MGMT: variants seen among roughly 807,000 people sequenced by gnomAD.
The protein encoded by MGMT is methylated-DNA--protein-cysteine methyltransferase.
A neutral mutation model predicts 15.9 loss-of-function variants in MGMT; 14 were observed. The ratio of observed to expected loss-of-function variants is 0.88; its 90% CI spans 0.58 to 1.37. The LOEUF (loss-of-function observed/expected upper bound fraction) is 1.37. Ranked by LOEUF, MGMT falls within the 40% of genes most tolerant of loss-of-function variation. MGMT has a pLI of 0.00. For missense variants in MGMT, 282 were observed against 268.1 expected (o/e 1.05, Z -0.36); for synonymous variants, 130 against 118.2 (o/e 1.10, Z -0.65).
intron 2 of MGMT, among the ~76,000 whole-genome samples, chr10:129,598,473 C>T (rs1464268071): frequency 6.6e-6 from 1 of 152,082 alleles, no homozygotes; most frequent in Non-Finnish European, 1.5e-5. Context: ...GGTCAGATGT[C>T]ATCTTGGTGG....
At chr10:129,639,616 T>G (rs987864138) in intron 2 of MGMT, among the ~76,000 whole-genome samples, 1 of 152,188 alleles carries the variant, frequency 6.6e-6, no homozygotes, top group South Asian at 2.1e-4. Flanking sequence ...ACAGGGAAAC[T>G]TAGAAAATGT....
At position 129,532,491 on chromosome 10, in the gene MGMT, G is replaced by A. The variant is rs1212634625; in HGVS notation, c.-12-3750G>A. On this transcript the variant is annotated intron_variant, in intron 1 of 4. Transcript: ENST00000651593. This position sits in a 1 kb window ranked among gnomAD's most constrained non-coding sequence, Gnocchi z 5.3. ...GGAGACTGTCGGGGCTAAGCTGCCT[G>A]TGGCCCTCCACCGCCCTGCTCCTTC... Among the ~76,000 whole-genome samples the A allele has an allele frequency of 6.6e-6, 1 of 152,122 alleles. No individual in the cohort carries two copies. The highest frequency in any genetic ancestry group is 2.4e-5 in the African/African-American group (1 of 41,430).
At position 129,759,205 on chromosome 10, in the gene MGMT, C is replaced by G; in HGVS notation, c.278C>G (p.Ser93Trp). 1.2e-6 allele frequency: 2 copies of G among 1,614,206 alleles called. No individual in the cohort carries two copies. Among genetic ancestry groups the G allele is most frequent in the Non-Finnish European group, 1.7e-6 (2 of 1,180,040 alleles). ...ALHHPVFQQE[S>W]FTRQVLWKLL... The stretch of plus-strand genomic sequence containing the variant: ...TATCCTGCATTCTTCCTTTCAGAGT[C>G]GTTCACCAGACAGGTGTTATGGAAG... The change falls in exon 4 of 5, where the codon TCG becomes TGG. Residue 93 changes from serine to tryptophan, a missense_variant. Physicochemically the swap from Ser to Trp is radical, Grantham distance 177. Coordinates refer to ENST00000651593, the MANE Select transcript of MGMT (RefSeq NM_002412.5).
At chr10:129,599,779 A>C (rs1846796575) in intron 2 of MGMT, among the ~76,000 whole-genome samples, 1 of 152,132 alleles carries the variant, frequency 6.6e-6, no homozygotes. Flanking sequence ...GGTTGTTTCT[A>C]TACTGTTTGT....
At chr10:129,670,346 G>A (rs558524921) in intron 2 of MGMT, among the ~76,000 whole-genome samples, 2 of 152,074 alleles carry the variant, frequency 1.3e-5, no homozygotes, top group Non-Finnish European at 2.9e-5. Flanking sequence ...TACCGAAGTA[G>A]TACTTTCTCA....
intron 3 of MGMT, among the ~76,000 whole-genome samples, chr10:129,758,225 C>T (rs540814335): frequency 3.3e-5 from 5 of 152,280 alleles, no homozygotes; most frequent in Admixed American, 3.3e-4. Context: ...CCAAATCACA[C>T]TTTGCCAGCT....
chr10:129,750,599 A>G (rs1345125064), intron 3 of MGMT, among the ~76,000 whole-genome samples: 1 of 152,142 alleles, frequency 6.6e-6, no homozygotes, highest in Non-Finnish European at 1.5e-5. Context: ...TAGCATTTAC[A>G]TTATTCTAGA....
intron 2 of MGMT, among the ~76,000 whole-genome samples, chr10:129,630,212 C>T (rs1015413143): frequency 3.3e-5 from 5 of 152,306 alleles, no homozygotes; most frequent in African/African-American, 1.2e-4. Context: ...AACAGGTACC[C>T]GGTGCTGGTG....
At chr10:129,519,788 T>C (rs142506228) in intron 1 of MGMT, among the ~76,000 whole-genome samples, 17 of 152,236 alleles carry the variant, frequency 1.1e-4, no homozygotes, top group South Asian at 8.3e-4. Flanking sequence ...TGCTCATGGG[T>C]GTTGACTGGT....
intron 2 of MGMT, among the ~76,000 whole-genome samples, chr10:129,589,406 C>A (rs921387420): frequency 6.6e-6 from 1 of 152,250 alleles, no homozygotes; most frequent in Non-Finnish European, 1.5e-5. Context: ...GTGCTACTCA[C>A]CTCTGACCTC....
intron 3 of MGMT, among the ~76,000 whole-genome samples, chr10:129,753,819 T>A (rs1314939228): frequency 6.6e-6 from 1 of 152,204 alleles, no homozygotes; most frequent in Non-Finnish European, 1.5e-5. Flanking sequence ...GTGAGTTTAT[T>A]TTTCTGATTA....
At chr10:129,764,232 C>A (rs944018399) in intron 4 of MGMT, among the ~76,000 whole-genome samples, 1 of 152,220 alleles carries the variant, frequency 6.6e-6, no homozygotes, top group Non-Finnish European at 1.5e-5. Context: ...CCTGGTGGGG[C>A]CTTGCGGGGT....
At chr10:129,481,519 T>C (rs1189859793) in intron 1 of MGMT, among the ~76,000 whole-genome samples, 1 of 152,240 alleles carries the variant, frequency 6.6e-6, no homozygotes. Flanking sequence ...GCATTGTCTC[T>C]TCTTTAAATG....
intron 2 of MGMT, among the ~76,000 whole-genome samples, chr10:129,678,957 C>T (rs185972179): frequency 5.9e-5 from 9 of 151,948 alleles, no homozygotes; most frequent in Admixed American, 2.6e-4. Flanking sequence ...CCTGTAATCC[C>T]AGCTACTCGG....
In MGMT at chr10:129,641,226, A is replaced by T. The variant is rs529333898; in HGVS notation, c.126-66669A>T. Reference sequence around the variant, plus strand: ...TTAAATATAGTTCCATTTATAATAGATGAAAATGTGCAGTAGTTCATGTCC... The same window carrying T: ...TTAAATATAGTTCCATTTATAATAGTTGAAAATGTGCAGTAGTTCATGTCC... On this transcript the variant is annotated intron_variant, in intron 2 of 4. Coordinates refer to ENST00000651593, the MANE Select transcript of MGMT (RefSeq NM_002412.5). 2.6e-5 allele frequency among the ~76,000 whole-genome samples: 4 copies of T among 152,348 alleles called. No individual in the cohort carries two copies. The South Asian group carries it at 6.2e-4, about 24-fold the overall frequency.
intron 2 of MGMT, among the ~76,000 whole-genome samples, chr10:129,688,140 A>G (rs1322277072): frequency 6.6e-6 from 1 of 152,184 alleles, no homozygotes; most frequent in Non-Finnish European, 1.5e-5. Context: ...GAATAGTGCC[A>G]CAGTAAACAT....
At chr10:129,650,589 C>T (rs1254696398) in intron 2 of MGMT, among the ~76,000 whole-genome samples, 4 of 152,174 alleles carry the variant, frequency 2.6e-5, no homozygotes, top group Admixed American at 6.5e-5. Flanking sequence ...CATGGGTTGG[C>T]TCTTACTGAA....
At chr10:129,468,010 T>C (rs1308480235) in intron 1 of MGMT, among the ~76,000 whole-genome samples, 2 of 152,204 alleles carry the variant, frequency 1.3e-5, no homozygotes, top group Admixed American at 6.5e-5. Flanking sequence ...TTTGTACATG[T>C]GTGTGCAACC....
chr10:129,560,770 A>C (rs1284545529), intron 2 of MGMT, among the ~76,000 whole-genome samples: 1 of 152,210 alleles, frequency 6.6e-6, no homozygotes, highest in African/African-American at 2.4e-5. Context: ...GATTATTTTC[A>C]TTCAGCCATT....
Sources: allele counts gnomAD v4.1 joint callset (sites outside exome capture counted in the v4.1 genomes callset), GRCh38; gene constraint gnomAD v4.1.1; non-coding constraint Gnocchi (gnomAD v3.1); transcripts MANE v1.5; gene names NCBI Gene and HGNC (gene_info 2026-07-23, HGNC 2026-07-21).